The following ATF3 variants were observed in gnomAD, a reference collection of about 807,000 sequenced individuals.
The protein encoded by ATF3 is cyclic AMP-dependent transcription factor ATF-3.
Under a neutral mutation model 18.4 loss-of-function variants are expected in ATF3, and 10 were observed. The ratio of observed to expected loss-of-function variants is 0.54; its 90% CI spans 0.34 to 0.92. The LOEUF is 0.92. Ranked by LOEUF, ATF3 falls within the 40% of genes least tolerant of loss-of-function variation. The pLI, the probability that ATF3 is intolerant of heterozygous loss-of-function variation, is 0.02. For synonymous variants in ATF3, 78 were observed against 87.9 expected (o/e 0.89, Z 0.63); for missense variants, 183 against 222.3 (o/e 0.82, Z 1.12).
chr1:212,565,580 C>G (rs1313041303), intron 1 of ATF3: 1 of 152,290 alleles, frequency 6.6e-6, no homozygotes, highest in Admixed American at 6.5e-5. Context: ...GGGGAGTACC[C>G]ACTGTGGCCC....
At chr1:212,612,406 C>T (rs531223473) in intron 1 of ATF3, among the ~76,000 whole-genome samples, 3 of 152,270 alleles carry the variant, frequency 2.0e-5, no homozygotes, top group Admixed American at 1.3e-4. Context: ...TCAAAGTCCC[C>T]GTGTAGAAGG....
chr1:212,590,833 G>A (rs1485311465), intron 1 of ATF3, among the ~76,000 whole-genome samples: 2 of 152,216 alleles, frequency 1.3e-5, no homozygotes, highest in East Asian at 3.8e-4. Flanking sequence ...CATTAGGGAA[G>A]CAGGATAATG....
intron 1 of ATF3, among the ~76,000 whole-genome samples, chr1:212,602,670 G>A (rs114885460): frequency 6.6e-6 from 1 of 152,108 alleles, no homozygotes; most frequent in Non-Finnish European, 1.5e-5. Flanking sequence ...GATGTTTACG[G>A]TCCATCAAAG....
At chr1:212,572,787 A>T (rs2102621079) in intron 1 of ATF3, among the ~76,000 whole-genome samples, 1 of 152,274 alleles carries the variant, frequency 6.6e-6, no homozygotes, top group East Asian at 1.9e-4. Context: ...GGCATTCCAT[A>T]GAAGTTTCCA....
chr1:212,615,240 G>A lies in ATF3; in HGVS notation c.219G>A (p.Gly73=). The change falls in exon 2 of 4, where the codon GGG becomes GGA. Residue 73 remains glycine, a synonymous_variant. Transcript: ENST00000341491. ...TCACTGTCAGCGACAGACCCCTCGG[G>A]GTGTCCATCACAAAAGCCGAGGTGG... ...ESVTVSDRPL[G]VSITKAEVAP... is the part of the protein sequence containing the mutation. 6.2e-7 allele frequency: 1 copy of A among 1,613,960 alleles called. No individual in the cohort carries two copies.
chr1:212,587,244 C>T (rs1173508111), intron 1 of ATF3, among the ~76,000 whole-genome samples: 2 of 152,224 alleles, frequency 1.3e-5, no homozygotes, highest in South Asian at 2.1e-4. Context: ...ACATAATTGG[C>T]GTTCAATAAA....
intron 2 of ATF3, among the ~76,000 whole-genome samples, chr1:212,615,532 A>G (rs541929516): frequency 1.2e-3 from 188 of 152,048 alleles, no homozygotes; most frequent in African/African-American, 4.4e-3. Context: ...TTTTCAGGCC[A>G]GGCATGGTGG....
intron 1 of ATF3, among the ~76,000 whole-genome samples, chr1:212,576,207 AT>A (rs1220598953): frequency 5.9e-5 from 9 of 151,930 alleles, no homozygotes; most frequent in Non-Finnish European, 1.3e-4. Flanking sequence ...AAAATTATTT[AT>A]TTTTCCTAAG....
chr1:212,580,236 A>G (rs1007903089), intron 1 of ATF3, among the ~76,000 whole-genome samples: 1 of 152,230 alleles, frequency 6.6e-6, no homozygotes, highest in African/African-American at 2.4e-5. Context: ...GGATACAATT[A>G]CTTACTTGTA....
chr1:212,576,438 CTT>C (rs1664577184), intron 1 of ATF3, among the ~76,000 whole-genome samples: 1 of 151,680 alleles, frequency 6.6e-6, no homozygotes, highest in Non-Finnish European at 1.5e-5. Flanking sequence ...TCATTCTTCT[CTT>C]ATATTATTTT....
At chr1:212,583,362 TTCATTTCTCTTTA>T (rs1177050673) in intron 1 of ATF3, among the ~76,000 whole-genome samples, 7 of 152,120 alleles carry the variant, frequency 4.6e-5, no homozygotes, top group African/African-American at 1.7e-4. Context: ...CCTCCCGAGT[TTCATTTCTCTTTA>T]TCAGTCAAGA....
chr1:212,592,213 C>T (rs146014275), intron 1 of ATF3, among the ~76,000 whole-genome samples: 538 of 152,206 alleles, frequency 3.5e-3, no homozygotes, highest in Middle Eastern at 0.01. Context: ...CTGAATTTGA[C>T]CATTCCAGAC....
rs1341484424 is a variant in ATF3 at position 212,618,192 on chromosome 1, G to C, written c.306G>C (p.Lys102Asn). ...RRERNKIAAAKCRNKKKEKTE... is the reference protein window; with the variant it reads ...RRERNKIAAANCRNKKKEKTE... Reference sequence around the variant, plus strand: ...AAAGAAATAAGATTGCAGCTGCAAAGTGCCGAAACAAGAAGAAGGAGAAGA... The same window carrying C: ...AAAGAAATAAGATTGCAGCTGCAAACTGCCGAAACAAGAAGAAGGAGAAGA... Residue 102 changes from lysine to asparagine, a missense_variant, in exon 3 of 4, where the codon AAG (lysine) becomes AAC (asparagine). Lys to Asn is a moderately conservative substitution (Grantham distance 94). Transcript: ENST00000341491. The surrounding 1 kb of genome is among the most constrained non-coding windows in gnomAD (Gnocchi z 4.4). The C allele has an allele frequency of 3.1e-6, 5 of 1,614,168 alleles. No individual in the cohort carries two copies. Among genetic ancestry groups the C allele is most frequent in the Non-Finnish European group, 4.2e-6 (5 of 1,179,996 alleles).
chr1:212,615,192 G>T lies in ATF3; in HGVS notation c.171G>T (p.Arg57=), dbSNP rs1229957045. 3.7e-6 allele frequency: 6 copies of T among 1,614,170 alleles called. No individual in the cohort carries two copies. Among genetic ancestry groups the T allele is most frequent in the Non-Finnish European group, 4.2e-6 (5 of 1,180,040 alleles). The stretch of plus-strand genomic sequence containing the variant: ...TCCAGAACAAGCACCTCTGCCACCG[G>T]ATGTCCTCTGCGCTGGAATCAGTCA... The part of the protein sequence containing the change: ...FAIQNKHLCH[R]MSSALESVTV... The change falls in exon 2 of 4, where the codon CGG becomes CGT. Residue 57 remains arginine, a synonymous_variant. Coordinates refer to ENST00000341491, the MANE Select transcript of ATF3 (RefSeq NM_001674.4).
At chr1:212,600,230 C>G (rs1354087274) in intron 1 of ATF3, among the ~76,000 whole-genome samples, 1 of 152,236 alleles carries the variant, frequency 6.6e-6, no homozygotes, top group African/African-American at 2.4e-5. Context: ...CCTCTACCAG[C>G]AGTCTTCCTG....
In ATF3 at chr1:212,592,522, TA is replaced by T. The variant is rs1664908069; in HGVS notation, c.-4-22495del. Among the ~76,000 whole-genome samples the T allele has an allele frequency of 3.3e-5, 5 of 151,934 alleles. No homozygotes were observed. In the South Asian group the frequency reaches 1.0e-3, roughly 32 times the overall value. On this transcript the variant is annotated intron_variant, in intron 1 of 3. Transcript: ENST00000366981. ...TATGTCTCTTAAGTCTATTTTAACC[TA>T]CCATATTCTTTCTCCTTATTTTTCA... is the stretch of plus-strand genomic sequence containing the variant.
intron 2 of ATF3, among the ~76,000 whole-genome samples, chr1:212,616,202 T>G (rs1051489525): frequency 6.6e-6 from 1 of 151,998 alleles, no homozygotes; most frequent in Non-Finnish European, 1.5e-5. Context: ...ATTGTATAGA[T>G]GCAGCCCTGG....
At chr1:212,607,260 G>A (rs927970591), upstream of ATF3, among the ~76,000 whole-genome samples, 2 of 152,156 alleles carry the variant, frequency 1.3e-5, no homozygotes, top group Non-Finnish European at 2.9e-5. Context: ...TGTGACCTTC[G>A]GCCGCCTCTC....
intron 1 of ATF3, among the ~76,000 whole-genome samples, chr1:212,571,667 C>T (rs1208707013): frequency 6.6e-6 from 1 of 150,978 alleles, no homozygotes; most frequent in Non-Finnish European, 1.5e-5. Flanking sequence ...ACCTTGGCCT[C>T]CCAAAGTGCT....
Sources: allele counts gnomAD v4.1 joint callset (sites outside exome capture counted in the v4.1 genomes callset), GRCh38; gene constraint gnomAD v4.1.1; non-coding constraint Gnocchi (gnomAD v3.1); transcripts MANE v1.5; gene names NCBI Gene and HGNC (gene_info 2026-07-23, HGNC 2026-07-21).